Variants in ATXN7L1 observed in about 807,000 individuals in gnomAD.
The protein encoded by ATXN7L1 is ataxin 7 like 1.
ATXN7L1 carries 15 observed loss-of-function variants against 70.8 expected under a neutral mutation model. The observed-to-expected ratio is 0.21, with a 90% confidence interval of 0.14 to 0.33. The LOEUF is 0.33. Among genes scored for constraint, ATXN7L1 ranks in the 10% least tolerant of loss-of-function variants. The pLI is 1.00. For missense variants in ATXN7L1, 975 were observed against 1,097.1 expected (o/e 0.89, Z 1.57); for synonymous variants, 440 against 445.1 (o/e 0.99, Z 0.14).
intron 3 of ATXN7L1, among the ~76,000 whole-genome samples, chr7:105,758,081 T>A (rs1027164695): frequency 3.9e-5 from 6 of 152,096 alleles, no homozygotes; most frequent in African/African-American, 1.4e-4. Context: ...TCCGAGTCCC[T>A]ACTCCAAAAC....
intron 3 of ATXN7L1, among the ~76,000 whole-genome samples, chr7:105,695,496 A>C (rs898934627): frequency 2.0e-5 from 3 of 152,128 alleles, no homozygotes; most frequent in African/African-American, 7.2e-5. Flanking sequence ...TTTGCACCCC[A>C]TCCTTTGATT....
chr7:105,822,783 C>T (rs1810344210), intron 2 of ATXN7L1, among the ~76,000 whole-genome samples: 2 of 152,164 alleles, frequency 1.3e-5, no homozygotes, highest in South Asian at 2.1e-4. Flanking sequence ...TTTCCATTCT[C>T]CCAGTGAGTT....
intron 3 of ATXN7L1, among the ~76,000 whole-genome samples, chr7:105,698,099 T>C (rs982502499): frequency 6.6e-6 from 1 of 152,136 alleles, no homozygotes; most frequent in Non-Finnish European, 1.5e-5. Context: ...TGGGGGCTAT[T>C]GGTTGCAGGC....
chr7:105,618,312 C>A (rs141730023), intron 9 of ATXN7L1, among the ~76,000 whole-genome samples: 3 of 152,302 alleles, frequency 2.0e-5, no homozygotes, highest in African/African-American at 7.2e-5. Context: ...CGTGTAGCAC[C>A]AATTTGTTGC....
At chr7:105,778,694 C>T (rs902378615) in intron 3 of ATXN7L1, among the ~76,000 whole-genome samples, 26 of 152,114 alleles carry the variant, frequency 1.7e-4, no homozygotes, top group African/African-American at 5.8e-4. Flanking sequence ...AATTTATCTA[C>T]TCTTTGTGAG....
intron 2 of ATXN7L1, among the ~76,000 whole-genome samples, chr7:105,842,797 T>C (rs1813417324): frequency 6.6e-6 from 1 of 152,248 alleles, no homozygotes; most frequent in African/African-American, 2.4e-5. Context: ...TGTGCCATTT[T>C]ACATTCCCAA....
chr7:105,840,919 T>C (rs1813113037), intron 2 of ATXN7L1, among the ~76,000 whole-genome samples: 1 of 152,184 alleles, frequency 6.6e-6, no homozygotes, highest in South Asian at 2.1e-4. Flanking sequence ...AGAACCCTTA[T>C]AGGGACATTT....
intron 2 of ATXN7L1, among the ~76,000 whole-genome samples, chr7:105,866,474 T>C (rs562524378): frequency 9.2e-5 from 14 of 152,340 alleles, no homozygotes; most frequent in African/African-American, 2.6e-4. Flanking sequence ...GCTTCACTTA[T>C]AGACGACTAG....
intron 5 of ATXN7L1, among the ~76,000 whole-genome samples, chr7:105,640,085 CAT>C (rs1269463430): frequency 6.6e-6 from 1 of 152,070 alleles, no homozygotes; most frequent in Non-Finnish European, 1.5e-5. Flanking sequence ...TACTCCTTGA[CAT>C]GTCAGAGTGA....
At chr7:105,823,722 G>C (rs1228880813) in intron 2 of ATXN7L1, among the ~76,000 whole-genome samples, 1 of 152,196 alleles carries the variant, frequency 6.6e-6, no homozygotes, top group African/African-American at 2.4e-5. Flanking sequence ...ATGGAAATGG[G>C]AGATATCAGC....
chr7:105,829,454 A>AAAAC (rs1215825693), intron 2 of ATXN7L1, among the ~76,000 whole-genome samples: 1 of 152,136 alleles, frequency 6.6e-6, no homozygotes, highest in Non-Finnish European at 1.5e-5. Flanking sequence ...TTTGTCTTAA[A>AAAAC]AAACAAACAA....
At chr7:105,767,889 G>A (rs562929487) in intron 3 of ATXN7L1, among the ~76,000 whole-genome samples, 4 of 152,356 alleles carry the variant, frequency 2.6e-5, no homozygotes, top group South Asian at 4.1e-4. Context: ...TCTGGAGTTC[G>A]ACTGGTACTC....
chr7:105,860,428 A>G lies in ATXN7L1; in HGVS notation c.250+15384T>C, dbSNP rs143962173. Among the ~76,000 whole-genome samples the G allele has an allele frequency of 1.1e-3, 164 of 152,200 alleles. 2 individuals carry two copies. Among genetic ancestry groups the G allele is most frequent in the African/African-American group, 3.7e-3 (155 of 41,550 alleles). On this transcript the variant is annotated intron_variant, in intron 2 of 11. Coordinates refer to ENST00000419735, the MANE Select transcript of ATXN7L1 (RefSeq NM_020725.2). The stretch of plus-strand genomic sequence containing the variant: ...CTAGGATGCTGGAGCTAATGTCCTA[A>G]GGTGAGCTGTGTTTTGCATTGTAGC...
chr7:105,646,053 T>C (rs901182383), intron 4 of ATXN7L1, among the ~76,000 whole-genome samples: 1 of 151,138 alleles, frequency 6.6e-6, no homozygotes, highest in African/African-American at 2.4e-5. Context: ...GGCTCATGCC[T>C]ATAATCCTAG....
intron 4 of ATXN7L1, among the ~76,000 whole-genome samples, chr7:105,653,832 G>A (rs1800216941): frequency 6.6e-6 from 1 of 151,858 alleles, no homozygotes; most frequent in African/African-American, 2.4e-5. Flanking sequence ...CTGGCTCTGT[G>A]CCTTTCTGTG....
At chr7:105,752,147 A>G (rs1464379129) in intron 3 of ATXN7L1, among the ~76,000 whole-genome samples, 1 of 152,170 alleles carries the variant, frequency 6.6e-6, no homozygotes, top group African/African-American at 2.4e-5. Context: ...CGGGAAGAAC[A>G]ATTGCGAATT....
intron 3 of ATXN7L1, among the ~76,000 whole-genome samples, chr7:105,697,170 A>C (rs1791830337): frequency 6.6e-6 from 1 of 152,242 alleles, no homozygotes; most frequent in Non-Finnish European, 1.5e-5. Flanking sequence ...ACATCTTATC[A>C]GGAGACAGGG....
At chr7:105,664,442 A>AATAT (rs1000814504) in intron 4 of ATXN7L1, among the ~76,000 whole-genome samples, 3 of 147,426 alleles carry the variant, frequency 2.0e-5, no homozygotes, top group African/African-American at 7.5e-5. Context: ...CTCTGTCTCA[A>AATAT]ATATATATAT....
chr7:105,760,194 C>G, intron 3 of ATXN7L1: 1 of 984,312 alleles, frequency 1.0e-6, no homozygotes, highest in Non-Finnish European at 1.2e-6. Context: ...ACCATCCACC[C>G]ATCCAATAGA....
Sources: allele counts gnomAD v4.1 joint callset (sites outside exome capture counted in the v4.1 genomes callset), GRCh38; gene constraint gnomAD v4.1.1; transcripts MANE v1.5; gene names NCBI Gene and HGNC (gene_info 2026-07-23, HGNC 2026-07-21).